Variants in NBAS observed in about 807,000 individuals in gnomAD.
NBAS encodes the protein NBAS subunit of NRZ tethering complex, also known as NAG/BC035112 fusion.
NBAS carries 219 observed loss-of-function variants against 302.5 expected under a neutral mutation model. The observed-to-expected ratio is 0.72, with a 90% confidence interval of 0.65 to 0.81. NBAS has a LOEUF of 0.81. Ranked by LOEUF, NBAS falls within the 30% of genes least tolerant of loss-of-function variation. The pLI is 0.00. For missense variants in NBAS, 2,932 were observed against 2,841.6 expected (o/e 1.03, Z -0.72); for synonymous variants, 1,118 against 1,021.6 (o/e 1.09, Z -1.80).
At chr2:15,540,369 C>T (rs1177110630) in intron 6 of NBAS, among the ~76,000 whole-genome samples, 1 of 152,028 alleles carries the variant, frequency 6.6e-6, no homozygotes, top group Non-Finnish European at 1.5e-5. Flanking sequence ...TCTTTTGATG[C>T]CTCTGCCACT....
the NBAS span, among the ~76,000 whole-genome samples, chr2:15,120,864 A>G: frequency 1.3e-5 from 2 of 152,042 alleles, no homozygotes; most frequent in African/African-American, 4.8e-5. Flanking sequence ...ATCCTTGGAG[A>G]TTTATTCTGT....
At chr2:15,220,225 G>A (rs1414921909) in intron 47 of NBAS, among the ~76,000 whole-genome samples, 3 of 120,494 alleles carry the variant, frequency 2.5e-5, no homozygotes, top group African/African-American at 6.2e-5. Flanking sequence ...GCCGGGCAGA[G>A]GGGCTCCTCA....
chr2:15,125,149 G>A, the NBAS span, among the ~76,000 whole-genome samples: 2 of 152,150 alleles, frequency 1.3e-5, no homozygotes, highest in African/African-American at 4.8e-5. Context: ...AGCCACCCAA[G>A]GCCTTGGGAG....
At chr2:15,250,682 T>A (rs1308343300) in intron 44 of NBAS, among the ~76,000 whole-genome samples, 2 of 152,146 alleles carry the variant, frequency 1.3e-5, no homozygotes, top group Admixed American at 1.3e-4. Flanking sequence ...AAGTAGACAT[T>A]TATGCGGCCA....
rs747216189 is a variant in NBAS at position 15,353,651 on chromosome 2, A to C, written c.3991T>G (p.Leu1331Val). ...QLGQSEGYQD[L>V]ATRQELMAFA... is the part of the protein sequence containing the mutation. Reference sequence around the variant, plus strand: ...GCCATGAGCTCTTGACGAGTGGCCAAGTCCTGGTAACCTTCTGATTGTCCT... The same window carrying C: ...GCCATGAGCTCTTGACGAGTGGCCACGTCCTGGTAACCTTCTGATTGTCCT... The change falls in exon 34 of 52, where the codon TTG becomes GTG. Residue 1331 changes from leucine (L) to valine (V), a missense_variant. Coordinates refer to ENST00000281513, the MANE Select transcript of NBAS (RefSeq NM_015909.4). The C allele has an allele frequency of 6.2e-7, 1 of 1,614,118 alleles. No individual in the cohort carries two copies. Among genetic ancestry groups the C allele is most frequent in the Non-Finnish European group, 8.5e-7 (1 of 1,179,970 alleles).
intron 24 of NBAS, among the ~76,000 whole-genome samples, chr2:15,416,561 T>C: frequency 6.6e-6 from 1 of 152,064 alleles, no homozygotes; most frequent in African/African-American, 2.4e-5. Flanking sequence ...CCCAGCACTT[T>C]GGGAGGCCTA....
At chr2:15,323,107 T>C (rs1203606846) in intron 38 of NBAS, among the ~76,000 whole-genome samples, 1 of 152,082 alleles carries the variant, frequency 6.6e-6, no homozygotes, top group Non-Finnish European at 1.5e-5. Context: ...AAATATAATC[T>C]CAAGAAACAC....
At chr2:15,356,563 AC>A (rs1673632944) in intron 32 of NBAS, 147 bp from the exon 33 acceptor site, 2 of 685,110 alleles carry the variant, frequency 2.9e-6, no homozygotes, top group Non-Finnish European at 2.6e-6. Flanking sequence ...AGTTGCTTTG[AC>A]CTTTCAATCC....
chr2:15,357,717 T>A (rs894153641), intron 32 of NBAS, among the ~76,000 whole-genome samples: 2 of 152,090 alleles, frequency 1.3e-5, no homozygotes, highest in African/African-American at 4.8e-5. Context: ...GGATGAAAAA[T>A]ACAATTTACA....
the NBAS span, among the ~76,000 whole-genome samples, chr2:14,808,008 T>G: frequency 6.6e-6 from 1 of 152,194 alleles, no homozygotes; most frequent in Non-Finnish European, 1.5e-5. Context: ...TTTTAACACC[T>G]TTTTTACCAT....
At chr2:15,254,154 G>C (rs968937956) in intron 44 of NBAS, among the ~76,000 whole-genome samples, 2 of 151,890 alleles carry the variant, frequency 1.3e-5, no homozygotes, top group Non-Finnish European at 2.9e-5. Context: ...CATGTGTTTT[G>C]CATGTCTGAG....
At chr2:14,901,826 T>C in the NBAS span, among the ~76,000 whole-genome samples, 6 of 152,142 alleles carry the variant, frequency 3.9e-5, no homozygotes, top group South Asian at 6.2e-4. Context: ...CCTGAAAACA[T>C]TGACCTTGAA....
intron 3 of NBAS, among the ~76,000 whole-genome samples, chr2:15,555,413 A>G (rs1283182827): frequency 6.6e-6 from 1 of 152,178 alleles, no homozygotes; most frequent in Non-Finnish European, 1.5e-5. Flanking sequence ...AATTTCCTCT[A>G]GAAGGGAAGG....
the NBAS span, among the ~76,000 whole-genome samples, chr2:14,871,063 G>A: frequency 5.3e-5 from 8 of 151,666 alleles, no homozygotes; most frequent in Non-Finnish European, 8.8e-5. Context: ...ATAAACATTA[G>A]TGACTTCAAA....
chr2:15,325,368 A>G (rs753024446), intron 38 of NBAS, among the ~76,000 whole-genome samples: 1 of 147,892 alleles, frequency 6.8e-6, no homozygotes, highest in Non-Finnish European at 1.5e-5. Flanking sequence ...CTTAATTTAA[A>G]AATCCTTTAT....
intron 44 of NBAS, among the ~76,000 whole-genome samples, chr2:15,262,310 G>A (rs1668884731): frequency 6.6e-6 from 1 of 152,282 alleles, no homozygotes; most frequent in East Asian, 1.9e-4. Flanking sequence ...CTGGCTCCGT[G>A]ATGAAGCCTG....
At chr2:15,127,390 C>T in the NBAS span, among the ~76,000 whole-genome samples, 2 of 152,244 alleles carry the variant, frequency 1.3e-5, no homozygotes, top group African/African-American at 4.8e-5. Context: ...GCAACAAAGA[C>T]CAGCCAGATT....
chr2:15,352,066 C>T lies in NBAS; in HGVS notation c.4105G>A (p.Val1369Met). 1 of 1,609,444 alleles carries T rather than the reference C, an allele frequency of 6.2e-7. No homozygotes were observed. Among genetic ancestry groups the T allele is most frequent in the Non-Finnish European group, 8.5e-7 (1 of 1,175,968 alleles). Residue 1369 changes from valine to methionine, a missense_variant, in exon 35 of 52, where the codon GTG becomes ATG. Val to Met is a conservative substitution (Grantham distance 21, BLOSUM62 1). Transcript: ENST00000281513. ...CCTTCATGATGGATCTGGAAATTCA[C>T]TCTTTGATAAAGAATCTAAAACAAG... ...SLQTEILYQRVNFQIHHEGGE... is the reference protein window; with the variant it reads ...SLQTEILYQRMNFQIHHEGGE...
At chr2:15,264,961 T>A (rs552841875) in intron 44 of NBAS, among the ~76,000 whole-genome samples, 2 of 152,290 alleles carry the variant, frequency 1.3e-5, no homozygotes, top group African/African-American at 4.8e-5. Context: ...CTGACATCCT[T>A]AAATCATCTT....
Sources: gnomAD v4.1 joint callset for allele counts (sites outside exome capture counted in the v4.1 genomes callset) on GRCh38, gnomAD v4.1.1 for gene constraint, MANE v1.5 for transcripts, NCBI Gene and HGNC (gene_info 2026-07-23, HGNC 2026-07-21) for gene names.